The following WDR41 variants were observed in gnomAD, a reference collection of about 807,000 sequenced individuals.
The protein encoded by WDR41 is WD repeat-containing protein 41.
Under a neutral mutation model 69.3 loss-of-function variants are expected in WDR41, and 63 were observed. The ratio of observed to expected loss-of-function variants is 0.91; its 90% CI spans 0.74 to 1.12. The LOEUF (loss-of-function observed/expected upper bound fraction) is 1.12. WDR41 is among the 50% of genes most tolerant of loss of function. WDR41 has a pLI of 0.00. For missense variants in WDR41, 543 were observed against 534.5 expected (o/e 1.02, Z -0.16); for synonymous variants, 185 against 192.1 (o/e 0.96, Z 0.31).
intron 1 of WDR41, among the ~76,000 whole-genome samples, chr5:77,589,954 T>C (rs1290711736): frequency 6.6e-6 from 1 of 152,166 alleles, no homozygotes; most frequent in Non-Finnish European, 1.5e-5. Context: ...TTACATAATA[T>C]TTTTGTAGAT....
At chr5:77,501,377 T>G (rs777111517) in intron 1 of WDR41, among the ~76,000 whole-genome samples, 1 of 152,150 alleles carries the variant, frequency 6.6e-6, no homozygotes, top group Non-Finnish European at 1.5e-5. Flanking sequence ...GCCGGGAAGC[T>G]CGAACTGGGC....
intron 1 of WDR41, among the ~76,000 whole-genome samples, chr5:77,536,645 C>T (rs180689225): frequency 6.6e-6 from 1 of 152,146 alleles, no homozygotes; most frequent in Non-Finnish European, 1.5e-5. Context: ...TTTTACCGTA[C>T]CTTTTCTATG....
intron 8 of WDR41, among the ~76,000 whole-genome samples, chr5:77,442,131 T>C (rs1531613): frequency 0.33 from 49,868 of 152,068 alleles, 8,290 homozygotes; most frequent in East Asian, 0.35. Flanking sequence ...ATTAATTTGC[T>C]AATATGTATC....
chr5:77,552,670 G>C (rs948239634), intron 1 of WDR41, among the ~76,000 whole-genome samples: 1 of 152,200 alleles, frequency 6.6e-6, no homozygotes, highest in East Asian at 1.9e-4. Flanking sequence ...GTAATCAAGA[G>C]AGTGTGGTGT....
chr5:77,472,681 G>A (rs1430012795), intron 2 of WDR41, among the ~76,000 whole-genome samples: 1 of 151,952 alleles, frequency 6.6e-6, no homozygotes, highest in Non-Finnish European at 1.5e-5. Flanking sequence ...TTGCTTCAAA[G>A]AGAATAAAAT....
At chr5:77,500,246 T>C (rs1246501832) in intron 1 of WDR41, among the ~76,000 whole-genome samples, 1 of 152,042 alleles carries the variant, frequency 6.6e-6, no homozygotes, top group Admixed American at 6.6e-5. Flanking sequence ...AAATAGAACA[T>C]ATAAAATAGA....
intron 1 of WDR41, among the ~76,000 whole-genome samples, chr5:77,570,254 T>C (rs949711352): frequency 1.9e-4 from 29 of 152,006 alleles, no homozygotes; most frequent in African/African-American, 6.5e-4. Flanking sequence ...TGAATTTTTC[T>C]TTAGGGGTGA....
At chr5:77,486,027 G>A (rs777893869) in intron 2 of WDR41, among the ~76,000 whole-genome samples, 1 of 152,094 alleles carries the variant, frequency 6.6e-6, no homozygotes, top group African/African-American at 2.4e-5. Flanking sequence ...AAACTGGAAA[G>A]GTATTTCTCT....
At chr5:77,557,385 T>C (rs1410925053) in intron 1 of WDR41, among the ~76,000 whole-genome samples, 1 of 152,048 alleles carries the variant, frequency 6.6e-6, no homozygotes. Context: ...AAAGACCTAC[T>C]ATAAGTCACC....
intron 1 of WDR41, among the ~76,000 whole-genome samples, chr5:77,522,887 G>GGATGTGT (rs1350863033): frequency 6.6e-6 from 1 of 152,174 alleles, no homozygotes; most frequent in Non-Finnish European, 1.5e-5. Context: ...ATTAAAGAAA[G>GGATGTGT]GATGTGTAAT....
intron 1 of WDR41, among the ~76,000 whole-genome samples, chr5:77,601,587 G>A (rs189599439): frequency 2.0e-5 from 3 of 152,296 alleles, no homozygotes; most frequent in East Asian, 1.9e-4. Flanking sequence ...ACTACAATTT[G>A]ACTAAGGGTT....
chr5:77,476,002 G>A (rs960835327), intron 2 of WDR41, among the ~76,000 whole-genome samples: 3 of 152,110 alleles, frequency 2.0e-5, no homozygotes, highest in African/African-American at 7.2e-5. Flanking sequence ...TGAAAACCAA[G>A]GCTCCAGAAC....
chr5:77,562,212 A>G (rs1743540543), intron 1 of WDR41, among the ~76,000 whole-genome samples: 1 of 152,188 alleles, frequency 6.6e-6, no homozygotes, highest in African/African-American at 2.4e-5. Flanking sequence ...TCCATGCACT[A>G]ATGGAACAGC....
At chr5:77,535,925 T>C (rs1289080300) in intron 1 of WDR41, among the ~76,000 whole-genome samples, 2 of 152,216 alleles carry the variant, frequency 1.3e-5, no homozygotes, top group Non-Finnish European at 2.9e-5. Context: ...TGTTTTTCTT[T>C]CATCTGCCCT....
At chr5:77,529,516 T>C (rs1364120865) in intron 1 of WDR41, among the ~76,000 whole-genome samples, 1 of 151,612 alleles carries the variant, frequency 6.6e-6, no homozygotes, top group Non-Finnish European at 1.5e-5. Context: ...CTTTACGAGT[T>C]GATTATAATA....
intron 2 of WDR41, among the ~76,000 whole-genome samples, chr5:77,473,744 T>G (rs1047408150): frequency 1.1e-4 from 17 of 152,110 alleles, no homozygotes; most frequent in Non-Finnish European, 2.2e-4. Flanking sequence ...ACCACAATGA[T>G]ATACCATCTC....
At chr5:77,490,825 T>G (rs1406763757) in intron 1 of WDR41, among the ~76,000 whole-genome samples, 1 of 152,122 alleles carries the variant, frequency 6.6e-6, no homozygotes, top group African/African-American at 2.4e-5. Context: ...TAATCCACAA[T>G]CTCAAGGATT....
intron 1 of WDR41, among the ~76,000 whole-genome samples, chr5:77,566,270 T>C (rs1393132917): frequency 6.6e-6 from 1 of 152,166 alleles, no homozygotes; most frequent in Non-Finnish European, 1.5e-5. Context: ...TGCCTAGAAC[T>C]AAGCTATTTT....
intron 1 of WDR41, among the ~76,000 whole-genome samples, chr5:77,551,656 T>C (rs1310977633): frequency 4.1e-5 from 6 of 145,186 alleles, no homozygotes; most frequent in South Asian, 2.2e-4. Flanking sequence ...CCAGCCTGGG[T>C]GACAGAGTGA....
Sources: gnomAD v4.1 joint callset for allele counts (sites outside exome capture counted in the v4.1 genomes callset) on GRCh38, gnomAD v4.1.1 for gene constraint, MANE v1.5 for transcripts, NCBI Gene and HGNC (gene_info 2026-07-23, HGNC 2026-07-21) for gene names.